Variants in DENND1A observed in about 807,000 individuals in gnomAD.
The protein encoded by DENND1A is DENN domain containing 1A, also known as DENN domain-containing protein 1A.
In DENND1A, 51 loss-of-function variants were observed where a neutral mutation model predicts 113.7. The observed-to-expected ratio is 0.45, with a 90% CI of 0.36 to 0.57. DENND1A has a LOEUF of 0.57. Ranked by LOEUF, DENND1A falls within the 20% of genes least tolerant of loss-of-function variation. The pLI, the probability that DENND1A is intolerant of heterozygous loss-of-function variation, is 0.00. For synonymous variants in DENND1A, 565 were observed against 570.8 expected (o/e 0.99, Z 0.14); for missense variants, 1,258 against 1,395.9 (o/e 0.90, Z 1.57).
intron 21 of DENND1A, chr9:123,400,072 C>T (rs2043350073): frequency 6.6e-6 from 1 of 152,224 alleles, no homozygotes; most frequent in Non-Finnish European, 1.5e-5. Context: ...CAGCTGTGCT[C>T]TGAATAGTAA....
At chr9:123,918,690 T>C (rs1376096622) in intron 1 of DENND1A, among the ~76,000 whole-genome samples, 1 of 152,148 alleles carries the variant, frequency 6.6e-6, no homozygotes, top group East Asian at 1.9e-4. Flanking sequence ...CTGCCTTTCC[T>C]ATATGAACTG....
intron 10 of DENND1A, among the ~76,000 whole-genome samples, chr9:123,629,839 C>T (rs1198405816): frequency 1.3e-5 from 2 of 152,174 alleles, no homozygotes; most frequent in Non-Finnish European, 2.9e-5. Context: ...TTTTTGTCCC[C>T]AGTTTACAAT....
At chr9:123,558,425 A>T (rs2057548738) in intron 12 of DENND1A, among the ~76,000 whole-genome samples, 1 of 152,234 alleles carries the variant, frequency 6.6e-6, no homozygotes, top group South Asian at 2.1e-4. Context: ...CAAGAGGTTA[A>T]AACAAAAAAC....
chr9:123,918,324 T>G (rs1428201833), intron 1 of DENND1A, among the ~76,000 whole-genome samples: 1 of 147,838 alleles, frequency 6.8e-6, no homozygotes, highest in Non-Finnish European at 1.5e-5. Flanking sequence ...CCATCTCTAC[T>G]TAAAATACAA....
intron 16 of DENND1A, among the ~76,000 whole-genome samples, chr9:123,452,826 C>T (rs1383965755): frequency 1.3e-5 from 2 of 152,120 alleles, no homozygotes; most frequent in East Asian, 3.9e-4. Flanking sequence ...TTGCCCTCAC[C>T]GTGCAACTTC....
At chr9:123,428,321 T>C (rs2045896120) in intron 19 of DENND1A, among the ~76,000 whole-genome samples, 1 of 152,204 alleles carries the variant, frequency 6.6e-6, no homozygotes, top group Non-Finnish European at 1.5e-5. Context: ...TCTCAATAGA[T>C]GCAGAAAAGG....
chr9:123,606,741 C>G (rs1195389267), intron 11 of DENND1A, among the ~76,000 whole-genome samples: 3 of 152,220 alleles, frequency 2.0e-5, no homozygotes, highest in Non-Finnish European at 2.9e-5. Flanking sequence ...GAGAATATCA[C>G]CTGTGTGGCA....
At chr9:123,752,385 G>GA (rs537499552) in intron 5 of DENND1A, among the ~76,000 whole-genome samples, 1 of 152,114 alleles carries the variant, frequency 6.6e-6, no homozygotes, top group South Asian at 2.1e-4. Context: ...GCATCTTGAG[G>GA]AAAAAAGTTT....
chr9:123,864,426 AG>A (rs1845528543), intron 2 of DENND1A, among the ~76,000 whole-genome samples: 1 of 152,190 alleles, frequency 6.6e-6, no homozygotes, highest in Non-Finnish European at 1.5e-5. Flanking sequence ...GCAGTTTCCC[AG>A]GGGTGGCAGA....
intron 13 of DENND1A, among the ~76,000 whole-genome samples, chr9:123,530,505 C>T (rs1052826794): frequency 6.6e-6 from 1 of 152,092 alleles, no homozygotes; most frequent in Non-Finnish European, 1.5e-5. Flanking sequence ...TAGACTCTCA[C>T]TGAAAGAAAT....
chr9:123,887,838 G>A (rs901586550), intron 1 of DENND1A, among the ~76,000 whole-genome samples: 7 of 152,102 alleles, frequency 4.6e-5, no homozygotes, highest in African/African-American at 1.7e-4. Context: ...GGGGAAGGCT[G>A]GTTTCTTACA....
At chr9:123,604,670 G>T (rs543286441) in intron 11 of DENND1A, among the ~76,000 whole-genome samples, 1 of 152,216 alleles carries the variant, frequency 6.6e-6, no homozygotes, top group African/African-American at 2.4e-5. Flanking sequence ...GGGTTTGGAA[G>T]TACATTTGTC....
At chr9:123,809,500 C>T (rs149647765) in intron 2 of DENND1A, among the ~76,000 whole-genome samples, 272 of 151,034 alleles carry the variant, frequency 1.8e-3, no homozygotes, top group Non-Finnish European at 3.3e-3. Flanking sequence ...GGTAAAACAT[C>T]AATGCCTATA....
In DENND1A at chr9:123,380,674, T is replaced by G. The variant is rs1191751283; in HGVS notation, c.*758A>C. On this transcript the variant is annotated 3_prime_UTR_variant, in exon 24 of 24. Coordinates refer to ENST00000394215, the MANE Select transcript of DENND1A (RefSeq NM_001352964.2). ...CAGCGTGCCAGAGCTGGATGAGGGC[T>G]GGGGGCTCCTCCCAAAATACTCAGA... The G allele has an allele frequency of 6.6e-6, 1 of 152,468 alleles. No individual in the cohort carries two copies. Among genetic ancestry groups the G allele is most frequent in the Non-Finnish European group, 1.5e-5 (1 of 68,058 alleles). 9.4% of individuals were successfully genotyped at this position (152,468 alleles called of 1,614,324 possible). A position where few individuals can be genotyped will look rare whatever the true frequency, so the allele number is the denominator to read the frequency against.
chr9:123,753,222 T>C (rs1452215003), intron 5 of DENND1A, among the ~76,000 whole-genome samples: 2 of 152,164 alleles, frequency 1.3e-5, no homozygotes, highest in African/African-American at 2.4e-5. Flanking sequence ...ATGTCAGCTA[T>C]GTGCCAGAAT....
At chr9:123,389,593 T>C (rs2042737243) in intron 21 of DENND1A, among the ~76,000 whole-genome samples, 2 of 152,244 alleles carry the variant, frequency 1.3e-5, no homozygotes, top group African/African-American at 4.8e-5. Context: ...CAGAGTCTCT[T>C]TCAATCACAA....
chr9:123,845,515 A>C (rs1023961283), intron 2 of DENND1A, among the ~76,000 whole-genome samples: 4 of 151,530 alleles, frequency 2.6e-5, no homozygotes, highest in Admixed American at 2.0e-4. Context: ...CCCACCCCCC[A>C]AAAAATTAAG....
At chr9:123,925,415 C>T (rs56775124) in intron 1 of DENND1A, among the ~76,000 whole-genome samples, 5,349 of 152,166 alleles carry the variant, frequency 0.035, 123 homozygotes, top group Middle Eastern at 0.088. Context: ...CTCACCTATT[C>T]GTCACCAGCG....
At chr9:123,579,177 T>C (rs1472065399) in intron 12 of DENND1A, among the ~76,000 whole-genome samples, 2 of 152,190 alleles carry the variant, frequency 1.3e-5, no homozygotes, top group African/African-American at 4.8e-5. Flanking sequence ...ATTGTGCTGA[T>C]AGGATATATG....
Sources: allele counts gnomAD v4.1 joint callset (sites outside exome capture counted in the v4.1 genomes callset), GRCh38; gene constraint gnomAD v4.1.1; transcripts MANE v1.5; gene names NCBI Gene and HGNC (gene_info 2026-07-23, HGNC 2026-07-21).